Variants in AZI2 observed in about 807,000 individuals in gnomAD.
AZI2 encodes 5-azacytidine induced 2.
Under a neutral mutation model 45.8 loss-of-function variants are expected in AZI2, and 22 were observed. The ratio of observed to expected loss-of-function variants is 0.48; its 90% CI spans 0.34 to 0.69. AZI2 has a LOEUF of 0.69. AZI2 is among the 30% of genes least tolerant of loss of function. The probability of loss-of-function intolerance (pLI) is 0.01; values close to 1 mark genes in which losing one functional copy is unlikely to be tolerated. For missense variants in AZI2, 417 were observed against 441.5 expected (o/e 0.94, Z 0.50); for synonymous variants, 137 against 156.7 (o/e 0.87, Z 0.94).
At chr3:28,339,358 G>A (rs1703922712) in intron 2 of AZI2, among the ~76,000 whole-genome samples, 1 of 152,108 alleles carries the variant, frequency 6.6e-6, no homozygotes. Context: ...GAATTAATAG[G>A]ATTGTTGGTC....
intron 1 of AZI2, among the ~76,000 whole-genome samples, chr3:28,345,862 C>T (rs1015448834): frequency 1.3e-5 from 2 of 152,098 alleles, no homozygotes; most frequent in Admixed American, 1.3e-4. Flanking sequence ...ATATGATTAT[C>T]CTGTCATATT....
chr3:28,347,182 T>C (rs749072251), intron 1 of AZI2, among the ~76,000 whole-genome samples: 3 of 152,122 alleles, frequency 2.0e-5, no homozygotes, highest in Non-Finnish European at 2.9e-5. Flanking sequence ...ATAAGTGCCA[T>C]AAAAAAGAAA....
At position 28,322,750 on chromosome 3, in the gene AZI2, T is replaced by C. The variant is rs896767943; in HGVS notation, c.*1292A>G. The C allele has an allele frequency of 6.6e-6, 1 of 151,532 alleles. No homozygotes were observed. Among genetic ancestry groups the C allele is most frequent in the African/African-American group, 2.4e-5 (1 of 41,312 alleles). 9.4% of individuals were successfully genotyped at this position (151,532 alleles called of 1,614,324 possible). A position where few individuals can be genotyped will look rare whatever the true frequency, so the allele number is the denominator to read the frequency against. On this transcript the variant is annotated 3_prime_UTR_variant, in exon 8 of 8. Coordinates refer to ENST00000479665, the MANE Select transcript of AZI2 (RefSeq NM_022461.5). Reference sequence around the variant, plus strand: ...TTAATCACAGACAAGCTTGAATAAGTGTAAGATAATAGAAAAAAATATCTA... The same window carrying C: ...TTAATCACAGACAAGCTTGAATAAGCGTAAGATAATAGAAAAAAATATCTA...
At chr3:28,330,450 T>C (rs1013747172) in intron 6 of AZI2, among the ~76,000 whole-genome samples, 5 of 151,366 alleles carry the variant, frequency 3.3e-5, no homozygotes, top group African/African-American at 9.7e-5. Flanking sequence ...ATATACTTTC[T>C]CCAATATAGT....
Position 28,323,964 on chromosome 3 carries a change from A to C in AZI2, c.*78T>G. On this transcript the variant is annotated 3_prime_UTR_variant, in exon 8 of 8. Transcript: ENST00000479665. ...AAAATTTTAATCAAAATCTCCTTTC[A>C]GTTTGTTAAATAATTTCTTGGGAGG... 1 of 1,451,328 alleles carries C rather than the reference A, an allele frequency of 6.9e-7. No homozygotes were observed. The allele number at this position is 1,451,328 out of a possible 1,614,324, so 89.9% of individuals were successfully genotyped here.
intron 1 of AZI2, among the ~76,000 whole-genome samples, chr3:28,343,307 C>T (rs1018978764): frequency 1.3e-5 from 2 of 152,100 alleles, no homozygotes; most frequent in East Asian, 3.9e-4. Context: ...ATTGTACTTA[C>T]ACCTTTACAG....
In AZI2 at chr3:28,323,856, G is replaced by GTAGAT; in HGVS notation, c.*185_*186insATCTA. ...TTCTTAGAATATGGAGCTAGAGGGT[G>GTAGAT]CTCTTTCATACTAGAAAACCAACTA... On this transcript the variant is annotated 3_prime_UTR_variant, in exon 8 of 8. Coordinates refer to ENST00000479665, the MANE Select transcript of AZI2 (RefSeq NM_022461.5). 1.9e-6 allele frequency: 1 copy of GTAGAT among 538,330 alleles called. No homozygotes were observed. Among genetic ancestry groups the GTAGAT allele is most frequent in the South Asian group, 3.1e-5 (1 of 32,022 alleles). 33.3% of individuals were successfully genotyped at this position (538,330 alleles called of 1,614,324 possible). A position where few individuals can be genotyped will look rare whatever the true frequency, so the allele number is the denominator to read the frequency against.
chr3:28,337,523 C>A (rs1703841166), intron 4 of AZI2, among the ~76,000 whole-genome samples: 1 of 152,132 alleles, frequency 6.6e-6, no homozygotes, highest in African/African-American at 2.4e-5. Context: ...ATTTCATCTG[C>A]ACCTTTTAAC....
chr3:28,324,147 A>C lies in AZI2; in HGVS notation c.1074T>G (p.Ser358Arg). The C allele has an allele frequency of 6.2e-7, 1 of 1,610,678 alleles. No individual in the cohort carries two copies. The highest frequency in any genetic ancestry group is 8.5e-7 in the Non-Finnish European group (1 of 1,177,612). Residue 358 changes from serine to arginine, a missense_variant, in exon 8 of 8, where the codon AGT becomes AGG. Coordinates refer to ENST00000479665, the MANE Select transcript of AZI2 (RefSeq NM_022461.5). ...SWVFPSPPKS[S>R]ETAFGETKTK... Reference sequence around the variant, plus strand: ...TTTTAGTTTCCCCAAATGCTGTCTCACTTGATTTAGGAGGACTTGGAAATA... The same window carrying C: ...TTTTAGTTTCCCCAAATGCTGTCTCCCTTGATTTAGGAGGACTTGGAAATA...
rs999037633 is a variant in AZI2, at chr3:28,342,716, C to T, written c.-5-2094G>A. Among the ~76,000 whole-genome samples the T allele has an allele frequency of 3.7e-4, 7 of 19,176 alleles. No homozygotes were observed. The Admixed American group carries it at 3.7e-3, about 10-fold the overall frequency. The allele number at this position is 19,176 out of a possible 152,430, so 12.6% of individuals were successfully genotyped here. A position where few individuals can be genotyped will look rare whatever the true frequency, so the allele number is the denominator to read the frequency against. On this transcript the variant is annotated intron_variant, in intron 1 of 7. Transcript: ENST00000479665. ...CATATAAGACTCTTACACATGCACA[C>T]ACACACACACACACACACACACACA...
chr3:28,342,708 C>A (rs1704067970), intron 1 of AZI2, among the ~76,000 whole-genome samples: 1 of 83,198 alleles, frequency 1.2e-5, no homozygotes, highest in Admixed American at 1.5e-4. Flanking sequence ...GACTCTTACA[C>A]ATGCACACAC....
intron 6 of AZI2, among the ~76,000 whole-genome samples, chr3:28,330,530 C>G (rs937817216): frequency 3.6e-4 from 55 of 151,130 alleles, no homozygotes; most frequent in African/African-American, 1.2e-3. Flanking sequence ...TAACAAAACA[C>G]AAGAACATAA....
Position 28,324,495 on chromosome 3 carries a change from T to C in AZI2, c.767-41A>G, listed in dbSNP as rs576017309. 7.1e-6 allele frequency: 10 copies of C among 1,403,008 alleles called. No homozygotes were observed. In the East Asian group the frequency reaches 1.9e-4, roughly 26 times the overall value. 86.9% of individuals were successfully genotyped at this position (1,403,008 alleles called of 1,614,324 possible). ...AGACTAAATGTCAGTTTTCATTACA[T>C]TTGTGATCATAAAATTCGATAACAC... On this transcript the variant is annotated intron_variant, in intron 7 of 7. Coordinates refer to ENST00000479665, the MANE Select transcript of AZI2 (RefSeq NM_022461.5).
chr3:28,326,789 C>G, intron 7 of AZI2, 43 bp downstream of exon 7: 4 of 1,399,750 alleles, frequency 2.9e-6, no homozygotes, highest in Non-Finnish European at 4.1e-6. Context: ...GCTCTTCAGG[C>G]AGTTTGGCTG....
rs752556608 is a variant in AZI2 at position 28,326,813 on chromosome 3, C to A, written c.766+19G>T. On this transcript the variant is annotated intron_variant, in intron 7 of 7. Coordinates refer to ENST00000479665, the MANE Select transcript of AZI2 (RefSeq NM_022461.5). ...GCAGTTTGGCTGGAATCAGTGGTTT[C>A]CGGTAAACAGTGACTTGCCTTTCTT... 1.3e-6 allele frequency: 2 copies of A among 1,568,602 alleles called. No individual in the cohort carries two copies. Among genetic ancestry groups the A allele is most frequent in the Non-Finnish European group, 8.8e-7 (1 of 1,139,744 alleles).
At chr3:28,331,928 C>T in intron 6 of AZI2, 4 of 1,545,482 alleles carry the variant, frequency 2.6e-6, no homozygotes, top group South Asian at 2.4e-5. Flanking sequence ...CGCCACTGCA[C>T]TCCAGGCTGT....
chr3:28,333,410 A>G (rs1703661640), intron 5 of AZI2, among the ~76,000 whole-genome samples: 1 of 151,728 alleles, frequency 6.6e-6, no homozygotes, highest in Non-Finnish European at 1.5e-5. Context: ...TTGACCACTA[A>G]CGAGACACAT....
chr3:28,345,612 T>C (rs1285008969), intron 1 of AZI2, among the ~76,000 whole-genome samples: 1 of 152,042 alleles, frequency 6.6e-6, no homozygotes, highest in Admixed American at 6.6e-5. Context: ...AGGGCACAAT[T>C]TGTCAGATAA....
intron 7 of AZI2, chr3:28,325,172 G>C (rs916839689): frequency 1.5e-4 from 21 of 143,838 alleles, no homozygotes; most frequent in African/African-American, 4.3e-4. Context: ...TTGTACAAAT[G>C]CAATGGCCTA....
Sources: allele counts gnomAD v4.1 joint callset (sites outside exome capture counted in the v4.1 genomes callset), GRCh38; gene constraint gnomAD v4.1.1; transcripts MANE v1.5; gene names NCBI Gene and HGNC (gene_info 2026-07-23, HGNC 2026-07-21).